CNTNAP2: variants seen among roughly 807,000 people sequenced by gnomAD.
CNTNAP2 encodes contactin-associated protein-like 2.
Under a neutral mutation model 155.2 loss-of-function variants are expected in CNTNAP2, and 98 were observed. The observed-to-expected ratio is 0.63, with a 90% CI of 0.54 to 0.75. The LOEUF is 0.75. Ranked by LOEUF, CNTNAP2 falls within the 30% of genes least tolerant of loss-of-function variation. The pLI, the probability that CNTNAP2 is intolerant of heterozygous loss-of-function variation, is 0.00. For synonymous variants in CNTNAP2, 651 were observed against 631.2 expected (o/e 1.03, Z -0.47); for missense variants, 1,727 against 1,688.1 (o/e 1.02, Z -0.40).
chr7:148,119,522 C>T (rs1279863808), intron 16 of CNTNAP2, among the ~76,000 whole-genome samples: 1 of 151,996 alleles, frequency 6.6e-6, no homozygotes, highest in Admixed American at 6.6e-5. Flanking sequence ...GGTGACAGAG[C>T]GAGACTCCGT....
Position 147,527,015 on chromosome 7 carries a change from C to CTTTT in CNTNAP2, c.1778-35099_1778-35096dup, listed in dbSNP as rs888976222. Among the ~76,000 whole-genome samples, 264 of 65,096 alleles carry CTTTT rather than the reference C, an allele frequency of 4.1e-3. 29 individuals are homozygous for CTTTT. The highest frequency in any genetic ancestry group is 0.014 in the African/African-American group (173 of 12,736). The allele number at this position is 65,096 out of a possible 152,430, so 42.7% of individuals were successfully genotyped here. ...CATGAATTATGGAAGACAGGCATTTCTTTTTTTTTTTTTTTTTTTTTTTTT... is the reference window on the plus strand; with the variant it reads ...CATGAATTATGGAAGACAGGCATTTCTTTTTTTTTTTTTTTTTTTTTTTTTTTTT... On this transcript the variant is annotated intron_variant, in intron 11 of 23. Coordinates refer to ENST00000361727, the MANE Select transcript of CNTNAP2 (RefSeq NM_014141.6).
intron 1 of CNTNAP2, among the ~76,000 whole-genome samples, chr7:146,549,644 G>A (rs1413490102): frequency 6.6e-6 from 1 of 151,948 alleles, no homozygotes; most frequent in Non-Finnish European, 1.5e-5. Context: ...CACAGAAGGA[G>A]GCTATAATTT....
intron 1 of CNTNAP2, among the ~76,000 whole-genome samples, chr7:146,577,475 C>T (rs1476951506): frequency 6.6e-6 from 1 of 151,942 alleles, no homozygotes; most frequent in Non-Finnish European, 1.5e-5. Flanking sequence ...ATCAAGAATC[C>T]AACATGTAGA....
intron 21 of CNTNAP2, among the ~76,000 whole-genome samples, chr7:148,362,566 T>C (rs1798645653): frequency 6.6e-6 from 1 of 152,180 alleles, no homozygotes; most frequent in Admixed American, 6.5e-5. Context: ...CCGTGGCTTA[T>C]TAAAGGGCAT....
At chr7:146,250,490 G>T (rs1029730746) in intron 1 of CNTNAP2, among the ~76,000 whole-genome samples, 8 of 152,170 alleles carry the variant, frequency 5.3e-5, no homozygotes. Context: ...GTCTATCTTG[G>T]TATGGTGGTG....
intron 1 of CNTNAP2, among the ~76,000 whole-genome samples, chr7:146,659,750 G>A (rs1471440761): frequency 3.3e-5 from 5 of 152,172 alleles, no homozygotes; most frequent in African/African-American, 4.8e-5. Flanking sequence ...GGTGGGAAAC[G>A]AACATTAAAG....
chr7:147,706,569 C>T (rs1416682776), intron 13 of CNTNAP2, among the ~76,000 whole-genome samples: 1 of 152,062 alleles, frequency 6.6e-6, no homozygotes, highest in Non-Finnish European at 1.5e-5. Flanking sequence ...CTCTCTTTGT[C>T]TTTGACTTTT....
intron 18 of CNTNAP2, among the ~76,000 whole-genome samples, chr7:148,199,048 G>A (rs1257323854): frequency 6.6e-6 from 1 of 152,178 alleles, no homozygotes; most frequent in Non-Finnish European, 1.5e-5. Flanking sequence ...GCAGGCCATG[G>A]TAAGGGCTTG....
At chr7:147,742,157 C>A (rs1796966430) in intron 13 of CNTNAP2, among the ~76,000 whole-genome samples, 1 of 152,140 alleles carries the variant, frequency 6.6e-6, no homozygotes, top group African/African-American at 2.4e-5. Context: ...TCCACTGGGT[C>A]CCTCTCACAA....
At chr7:148,257,125 G>A (rs1048453713) in intron 20 of CNTNAP2, among the ~76,000 whole-genome samples, 1 of 152,056 alleles carries the variant, frequency 6.6e-6, no homozygotes, top group African/African-American at 2.4e-5. Context: ...TCACAGCACA[G>A]GGGCAAGGTC....
intron 13 of CNTNAP2, among the ~76,000 whole-genome samples, chr7:147,868,202 G>T (rs995865875): frequency 6.6e-6 from 1 of 152,136 alleles, no homozygotes; most frequent in African/African-American, 2.4e-5. Flanking sequence ...CTAATAGTCA[G>T]GTCCCTCAGC....
intron 1 of CNTNAP2, among the ~76,000 whole-genome samples, chr7:146,278,657 T>A (rs1340142242): frequency 6.6e-6 from 1 of 152,184 alleles, no homozygotes; most frequent in African/African-American, 2.4e-5. Context: ...TGATTTAGTA[T>A]GTCTTGAAGG....
intron 1 of CNTNAP2, among the ~76,000 whole-genome samples, chr7:146,574,750 A>G (rs1340252906): frequency 3.3e-5 from 5 of 152,166 alleles, no homozygotes; most frequent in Non-Finnish European, 7.4e-5. Context: ...ACAGTTTCTT[A>G]TAAAATGTAT....
chr7:147,995,816 C>T (rs1298958788), intron 15 of CNTNAP2, among the ~76,000 whole-genome samples: 1 of 151,948 alleles, frequency 6.6e-6, no homozygotes, highest in Admixed American at 6.6e-5. Context: ...CCCGGCCTCC[C>T]TGTCCGAATT....
intron 18 of CNTNAP2, among the ~76,000 whole-genome samples, chr7:148,215,732 G>A (rs975781889): frequency 2.0e-5 from 3 of 151,978 alleles, no homozygotes; most frequent in African/African-American, 7.3e-5. Context: ...AACCACCTAT[G>A]AGGTCCCATT....
chr7:147,967,691 A>C (rs1291032398), intron 14 of CNTNAP2, among the ~76,000 whole-genome samples: 3 of 152,172 alleles, frequency 2.0e-5, no homozygotes, highest in East Asian at 3.9e-4. Context: ...GTAGGACTAC[A>C]AAGTCTTGTC....
At chr7:147,503,967 T>G (rs1216020948) in intron 11 of CNTNAP2, among the ~76,000 whole-genome samples, 1 of 152,174 alleles carries the variant, frequency 6.6e-6, no homozygotes, top group Non-Finnish European at 1.5e-5. Flanking sequence ...CAAAATTGCA[T>G]GTAAGGAAGA....
intron 3 of CNTNAP2, among the ~76,000 whole-genome samples, chr7:146,907,318 C>G (rs1376235594): frequency 5.6e-5 from 8 of 143,248 alleles, no homozygotes; most frequent in Non-Finnish European, 1.2e-4. Flanking sequence ...AGATACTCCT[C>G]GAGAAGAGCA....
chr7:148,379,372 A>G (rs1799001136), intron 21 of CNTNAP2, among the ~76,000 whole-genome samples: 1 of 152,056 alleles, frequency 6.6e-6, no homozygotes, highest in Admixed American at 6.5e-5. Context: ...AATAATCTCA[A>G]AGGAAAAGAA....
Sources: gnomAD v4.1 joint callset for allele counts (sites outside exome capture counted in the v4.1 genomes callset) on GRCh38, gnomAD v4.1.1 for gene constraint, MANE v1.5 for transcripts, NCBI Gene and HGNC (gene_info 2026-07-23, HGNC 2026-07-21) for gene names.